The following KIF5B variants were observed in gnomAD, a reference collection of about 807,000 sequenced individuals.
KIF5B encodes kinesin-1 heavy chain.
A neutral mutation model predicts 132.8 loss-of-function variants in KIF5B; 49 were observed. The ratio of observed to expected loss-of-function variants is 0.37; its 90% CI spans 0.29 to 0.47. The LOEUF (loss-of-function observed/expected upper bound fraction) is 0.47. Among genes scored for constraint, KIF5B ranks in the 20% least tolerant of loss-of-function variants. The pLI, the probability that KIF5B is intolerant of heterozygous loss-of-function variation, is 1.00. For missense variants in KIF5B, 780 were observed against 1,144.0 expected, an observed-to-expected ratio of 0.68 and a Z score of 4.59; for synonymous variants, 355 against 369.4, an observed-to-expected ratio of 0.96 and a Z score of 0.45.
At chr10:32,011,947 A>G (rs554527276) in intron 25 of KIF5B, among the ~76,000 whole-genome samples, 74 of 152,206 alleles carry the variant, frequency 4.9e-4, no homozygotes, top group African/African-American at 1.7e-3. Flanking sequence ...AAAGGGGGAG[A>G]GGAATAGGGA....
intron 15 of KIF5B, among the ~76,000 whole-genome samples, chr10:32,026,529 A>C (rs1042789023): frequency 1.4e-4 from 15 of 107,062 alleles, no homozygotes; most frequent in African/African-American, 4.7e-4. Flanking sequence ...AAAAATACTG[A>C]GGATCCTTTT....
At chr10:32,042,811 T>A (rs1185552787) in intron 2 of KIF5B, among the ~76,000 whole-genome samples, 1 of 152,176 alleles carries the variant, frequency 6.6e-6, no homozygotes, top group African/African-American at 2.4e-5. Flanking sequence ...GAAAGTCACT[T>A]TGTATCTCCC....
Position 32,011,228 on chromosome 10 carries a change from C to T in KIF5B, c.*309G>A, listed in dbSNP as rs1841075425. The stretch of plus-strand genomic sequence containing the variant: ...GTCCTATAAGGTACAGTTAGCTTGG[C>T]ACAGTAAAGACTAAATTTAAGACAC... On this transcript the variant is annotated 3_prime_UTR_variant, in exon 26 of 26. Coordinates refer to ENST00000302418, the MANE Select transcript of KIF5B (RefSeq NM_004521.3). 1.3e-5 allele frequency: 2 copies of T among 152,472 alleles called. No individual in the cohort carries two copies. Among genetic ancestry groups the T allele is most frequent in the Non-Finnish European group, 1.5e-5 (1 of 67,990 alleles). 9.4% of individuals were successfully genotyped at this position (152,472 alleles called of 1,614,324 possible).
intron 10 of KIF5B, among the ~76,000 whole-genome samples, chr10:32,035,121 A>G (rs1345177834): frequency 6.6e-6 from 1 of 152,198 alleles, no homozygotes; most frequent in Non-Finnish European, 1.5e-5. Context: ...TGAATTAAGA[A>G]ATTACTGTTG....
intron 1 of KIF5B, among the ~76,000 whole-genome samples, chr10:32,054,322 G>A (rs1315486902): frequency 6.6e-6 from 1 of 152,214 alleles, no homozygotes; most frequent in African/African-American, 2.4e-5. Context: ...CTCCGCCTCT[G>A]CCGGGCTATG....
At chr10:32,017,794 A>G (rs1282324374) in intron 23 of KIF5B, among the ~76,000 whole-genome samples, 10 of 151,590 alleles carry the variant, frequency 6.6e-5, no homozygotes, top group Admixed American at 6.6e-4. Flanking sequence ...TACCATGAAT[A>G]AATTATGAAA....
intron 25 of KIF5B, 96 bp downstream of exon 25, chr10:32,015,413 C>G (rs541699828): frequency 2.2e-6 from 2 of 897,964 alleles, no homozygotes; most frequent in Admixed American, 2.7e-5. Flanking sequence ...TTAAAAAAAT[C>G]ATAACACTAA....
intron 2 of KIF5B, among the ~76,000 whole-genome samples, chr10:32,045,303 T>C (rs211285): frequency 0.2 from 30,225 of 152,012 alleles, 3,257 homozygotes; most frequent in Non-Finnish European, 0.25. Context: ...TAAAGTCATA[T>C]TCAGAAAAAA....
chr10:32,021,710 T>C (rs551045438), intron 17 of KIF5B, among the ~76,000 whole-genome samples: 1 of 152,242 alleles, frequency 6.6e-6, no homozygotes, highest in South Asian at 2.1e-4. Context: ...CAGTGGCTCA[T>C]GCCTGTAATC....
At position 32,009,100 on chromosome 10, in the gene KIF5B, C is replaced by T. The variant is rs2132567824; in HGVS notation, c.*2437G>A. ...TAAAATTAAACGGTGTCTTCCCAAA[C>T]CAAGTATTTGTGAATGTATCTTCAA... On this transcript the variant is annotated 3_prime_UTR_variant, in exon 26 of 26. Coordinates refer to ENST00000302418, the MANE Select transcript of KIF5B (RefSeq NM_004521.3). The T allele has an allele frequency of 6.6e-6, 1 of 152,280 alleles. No individual in the cohort carries two copies. The highest frequency in any genetic ancestry group is 1.9e-4 in the East Asian group (1 of 5,192). The allele number at this position is 152,280 out of a possible 1,614,324, so 9.4% of individuals were successfully genotyped here.
In KIF5B at chr10:32,009,689, T is replaced by C. The variant is rs1051002323; in HGVS notation, c.*1848A>G. 2.0e-5 allele frequency: 3 copies of C among 152,232 alleles called. No homozygotes were observed. Among genetic ancestry groups the C allele is most frequent in the Admixed American group, 6.5e-5 (1 of 15,282 alleles). The allele number at this position is 152,232 out of a possible 1,614,324, so 9.4% of individuals were successfully genotyped here. ...AAAAATTCTGCTTCATTTACGAATG[T>C]TGCCAAAGGAGGCAAGTTTTCAACT... On this transcript the variant is annotated 3_prime_UTR_variant, in exon 26 of 26. Transcript: ENST00000302418.
rs966909390 is a variant in KIF5B, at chr10:32,009,556, T to A, written c.*1981A>T. On this transcript the variant is annotated 3_prime_UTR_variant, in exon 26 of 26. Coordinates refer to ENST00000302418, the MANE Select transcript of KIF5B (RefSeq NM_004521.3). ...GATACTTTTTAAAAACCTAACATTG[T>A]ATATTCTGAACCACATGCTAATTAA... 1.3e-5 allele frequency: 2 copies of A among 152,176 alleles called. No individual in the cohort carries two copies. The highest frequency in any genetic ancestry group is 4.8e-5 in the African/African-American group (2 of 41,426). The allele number at this position is 152,176 out of a possible 1,614,324, so 9.4% of individuals were successfully genotyped here.
Position 32,056,102 on chromosome 10 carries a change from G to C in KIF5B, c.-129C>G. ...GCAGCAGTCAGCTGCGCCGCGCTGC[G>C]CTTCCCCGGGTGGAGGCGGCCGGGG... On this transcript the variant is annotated 5_prime_UTR_variant, in exon 1 of 26. Coordinates refer to ENST00000302418, the MANE Select transcript of KIF5B (RefSeq NM_004521.3). The C allele has an allele frequency of 3.3e-6, 4 of 1,202,404 alleles. No homozygotes were observed. The highest frequency in any genetic ancestry group is 4.5e-6 in the Non-Finnish European group (4 of 881,526). The allele number at this position is 1,202,404 out of a possible 1,614,324, so 74.5% of individuals were successfully genotyped here. A position where few individuals can be genotyped will look rare whatever the true frequency, so the allele number is the denominator to read the frequency against.
intron 23 of KIF5B, 22 bp from the exon 24 acceptor site, chr10:32,017,381 A>G: frequency 6.3e-7 from 1 of 1,578,908 alleles, no homozygotes; most frequent in Non-Finnish European, 8.7e-7. Context: ...CAAAGAAAAC[A>G]AGGATTCCAG....
At chr10:32,015,726 TTTC>T (rs2132576871) in intron 24 of KIF5B, 67 bp from the exon 25 acceptor site, 1 of 1,291,330 alleles carries the variant, frequency 7.7e-7, no homozygotes, top group Non-Finnish European at 1.1e-6. Context: ...ACTGTTAAGG[TTTC>T]TTCTCTTATT....
At chr10:32,053,790 T>C (rs1280039657) in intron 1 of KIF5B, among the ~76,000 whole-genome samples, 1 of 151,848 alleles carries the variant, frequency 6.6e-6, no homozygotes, top group Non-Finnish European at 1.5e-5. Context: ...AAAATGCTTA[T>C]CAGCTTACCT....
intron 1 of KIF5B, among the ~76,000 whole-genome samples, chr10:32,054,820 G>A (rs1412701247): frequency 1.3e-5 from 2 of 152,102 alleles, no homozygotes; most frequent in African/African-American, 4.8e-5. Context: ...TTCAATGCCA[G>A]AGATCAGACC....
At chr10:32,037,453 A>T (rs1219414783) in intron 7 of KIF5B, 67 bp downstream of exon 7, 7 of 1,590,268 alleles carry the variant, frequency 4.4e-6, no homozygotes, top group Non-Finnish European at 5.2e-6. Flanking sequence ...CAATCTTATA[A>T]TTAATCACCT....
At chr10:32,050,383 G>A (rs917498588) in intron 1 of KIF5B, among the ~76,000 whole-genome samples, 2 of 152,152 alleles carry the variant, frequency 1.3e-5, no homozygotes, top group African/African-American at 4.8e-5. Flanking sequence ...CGGTCTGTTC[G>A]AGGTCTCTGA....
Sources: allele counts gnomAD v4.1 joint callset (sites outside exome capture counted in the v4.1 genomes callset), GRCh38; gene constraint gnomAD v4.1.1; transcripts MANE v1.5; gene names NCBI Gene and HGNC (gene_info 2026-07-23, HGNC 2026-07-21).